Variants in RANBP2 observed in about 807,000 individuals in gnomAD.
The protein encoded by RANBP2 is RAN binding protein 2.
Under a neutral mutation model 303.6 loss-of-function variants are expected in RANBP2, and 57 were observed. The observed-to-expected ratio is 0.19, with a 90% CI of 0.15 to 0.23. The LOEUF (loss-of-function observed/expected upper bound fraction) is 0.23, where lower values mean the gene tolerates loss of function less well. Among genes scored for constraint, RANBP2 ranks in the 10% least tolerant of loss-of-function variants. The pLI, the probability that RANBP2 is intolerant of heterozygous loss-of-function variation, is 1.00. For synonymous variants in RANBP2, 1,167 were observed against 1,301.5 expected (o/e 0.90, Z 2.23); for missense variants, 3,138 against 3,780.8 (o/e 0.83, Z 4.46).
At chr2:109,408,671 A>C in the RANBP2 span, among the ~76,000 whole-genome samples, 2 of 152,254 alleles carry the variant, frequency 1.3e-5, no homozygotes, top group Admixed American at 1.3e-4. Context: ...AAGGATGGAT[A>C]GACGGACACA....
chr2:108,877,783 C>T, the RANBP2 span, among the ~76,000 whole-genome samples: 1 of 152,162 alleles, frequency 6.6e-6, no homozygotes, highest in Non-Finnish European at 1.5e-5. Context: ...TGAAAGGGCT[C>T]ATCATGTTCC....
At position 108,763,784 on chromosome 2, in the gene RANBP2, G is replaced by A. The variant is rs1558918946; in HGVS notation, c.3245G>A (p.Ser1082Asn). The A allele has an allele frequency of 6.2e-7, 1 of 1,614,120 alleles. No individual in the cohort carries two copies. Among genetic ancestry groups the A allele is most frequent in the Non-Finnish European group, 8.5e-7 (1 of 1,179,974 alleles). ...AAACCCTTGCAAGGAGATGGCTATAGTGGAGCCAAACCAATTCCTGGTGGT... is the reference window on the plus strand; with the variant it reads ...AAACCCTTGCAAGGAGATGGCTATAATGGAGCCAAACCAATTCCTGGTGGT... ...SDKPLQGDGY[S>N]GAKPIPGGQT... Residue 1082 changes from serine (S) to asparagine (N), a missense_variant, in exon 20 of 29, where the codon AGT becomes AAT. Coordinates refer to ENST00000283195, the MANE Select transcript of RANBP2 (RefSeq NM_006267.5).
the RANBP2 span, among the ~76,000 whole-genome samples, chr2:109,487,329 C>T: frequency 2.0e-5 from 3 of 152,270 alleles, no homozygotes; most frequent in South Asian, 2.1e-4. Flanking sequence ...CTGCCTCACA[C>T]GGGACGACCA....
At chr2:109,669,991 C>T in the RANBP2 span, among the ~76,000 whole-genome samples, 1 of 152,044 alleles carries the variant, frequency 6.6e-6, no homozygotes, top group Non-Finnish European at 1.5e-5. Context: ...ACCTTTCTAC[C>T]ACCCTGGCCA....
chr2:109,726,634 A>G, the RANBP2 span, among the ~76,000 whole-genome samples: 1 of 152,038 alleles, frequency 6.6e-6, no homozygotes, highest in Non-Finnish European at 1.5e-5. Context: ...AACCTCACCA[A>G]TCCTGCTAAC....
At chr2:109,262,762 T>C in the RANBP2 span, among the ~76,000 whole-genome samples, 1 of 152,200 alleles carries the variant, frequency 6.6e-6, no homozygotes. Context: ...TATTGGAAAA[T>C]ATATTACATT....
the RANBP2 span, chr2:108,794,403 A>G: frequency 5.6e-4 from 435 of 772,434 alleles, 3 homozygotes; most frequent in African/African-American, 6.6e-3. Flanking sequence ...CATATTTGCT[A>G]TATTTTTCTT....
At chr2:108,841,923 GTTC>G in the RANBP2 span, among the ~76,000 whole-genome samples, 7 of 151,972 alleles carry the variant, frequency 4.6e-5, no homozygotes, top group African/African-American at 7.3e-5. Context: ...TTTTCTAATA[GTTC>G]TTCTTGGTAT....
the RANBP2 span, among the ~76,000 whole-genome samples, chr2:109,550,539 C>T: frequency 2.6e-5 from 4 of 152,170 alleles, no homozygotes; most frequent in African/African-American, 9.6e-5. Flanking sequence ...GTCTCAAACT[C>T]CTGATCTCAA....
chr2:109,350,771 A>G, the RANBP2 span, among the ~76,000 whole-genome samples: 1 of 152,204 alleles, frequency 6.6e-6, no homozygotes, highest in Non-Finnish European at 1.5e-5. Flanking sequence ...GAACCAAATG[A>G]TTCCAGTGCT....
chr2:109,310,107 C>T, the RANBP2 span, among the ~76,000 whole-genome samples: 1 of 96,606 alleles, frequency 1.0e-5, no homozygotes, highest in East Asian at 2.9e-4. Flanking sequence ...CTCTCCTCAG[C>T]AAATGTAAAA....
the RANBP2 span, among the ~76,000 whole-genome samples, chr2:109,406,299 G>A: frequency 1.3e-5 from 2 of 152,144 alleles, no homozygotes; most frequent in East Asian, 1.9e-4. Flanking sequence ...GGATCAAATC[G>A]GGAAATGATT....
the RANBP2 span, among the ~76,000 whole-genome samples, chr2:109,224,838 CAG>C: frequency 6.6e-6 from 1 of 152,104 alleles, no homozygotes; most frequent in Non-Finnish European, 1.5e-5. Flanking sequence ...GCCTGGGTGA[CAG>C]AGCAAGACTC....
chr2:108,794,541 T>C, the RANBP2 span: 3 of 1,595,146 alleles, frequency 1.9e-6, no homozygotes, highest in Non-Finnish European at 2.6e-6. Flanking sequence ...TCTTTGCAGT[T>C]GCCTTGCCAA....
At chr2:108,997,620 G>T in the RANBP2 span, among the ~76,000 whole-genome samples, 35 of 150,742 alleles carry the variant, frequency 2.3e-4, no homozygotes, top group Admixed American at 1.9e-3. Context: ...GGCCGAGCAC[G>T]GTGGATCACG....
the RANBP2 span, among the ~76,000 whole-genome samples, chr2:108,890,839 A>G: frequency 1.3e-5 from 2 of 152,172 alleles, no homozygotes; most frequent in Non-Finnish European, 2.9e-5. Flanking sequence ...AAGTGTCATG[A>G]AGGCTTTACT....
the RANBP2 span, among the ~76,000 whole-genome samples, chr2:109,217,279 A>G: frequency 6.6e-6 from 1 of 152,142 alleles, no homozygotes; most frequent in African/African-American, 2.4e-5. Context: ...ATCTTTTATT[A>G]TGGTTTTTCA....
At chr2:109,202,554 C>A in the RANBP2 span, among the ~76,000 whole-genome samples, 1 of 152,220 alleles carries the variant, frequency 6.6e-6, no homozygotes, top group Non-Finnish European at 1.5e-5. Context: ...CCTTCCCCTC[C>A]CAGCAGTCAG....
At chr2:108,721,369 T>A (rs1036529327) in intron 1 of RANBP2, among the ~76,000 whole-genome samples, 1 of 152,192 alleles carries the variant, frequency 6.6e-6, no homozygotes, top group Admixed American at 6.5e-5. Context: ...TAAATATGAA[T>A]GTGATGATAG....
Sources: gnomAD v4.1 joint callset for allele counts (sites outside exome capture counted in the v4.1 genomes callset) on GRCh38, gnomAD v4.1.1 for gene constraint, MANE v1.5 for transcripts, NCBI Gene and HGNC (gene_info 2026-07-23, HGNC 2026-07-21) for gene names.